The following KLK15 variants were observed in gnomAD, a reference collection of about 807,000 sequenced individuals.
The protein encoded by KLK15 is kallikrein-15.
A neutral mutation model predicts 21.1 loss-of-function variants in KLK15; 19 were observed. The ratio of observed to expected loss-of-function variants is 0.90; its 90% confidence interval spans 0.63 to 1.32. The LOEUF is 1.32. Among genes scored for constraint, KLK15 ranks in the 40% most tolerant of loss-of-function variants. The probability of loss-of-function intolerance (pLI) is 0.00; values close to 1 mark genes in which losing one functional copy is unlikely to be tolerated. For synonymous variants in KLK15, 141 were observed against 141.5 expected (o/e 1.00, Z 0.03); for missense variants, 345 against 348.6 (o/e 0.99, Z 0.08).
chr19:50,832,464 A>C (rs1346435253), upstream of KLK15, among the ~76,000 whole-genome samples: 1 of 151,556 alleles, frequency 6.6e-6, no homozygotes, highest in Non-Finnish European at 1.5e-5. Flanking sequence ...TTGGGATTAC[A>C]GGTGTGTGCC....
chr19:50,832,001 T>G (rs1193032857), upstream of KLK15, among the ~76,000 whole-genome samples: 1 of 151,956 alleles, frequency 6.6e-6, no homozygotes, highest in Non-Finnish European at 1.5e-5. Context: ...TTTTTTTTTT[T>G]AAGTAGAGAC....
chr19:50,827,740 T>TAG lies in KLK15; in HGVS notation c.117_118dup (p.Tyr40SerfsTer30). ...GCCACAGTTAAAGCGTCCACGCTCG[T>TAG]AGAGAGCCACTTGCCATGGCTGGGA... On this transcript the variant is annotated frameshift_variant, in exon 2 of 5. Transcript: ENST00000598239. LOFTEE classifies it high-confidence loss of function. The TAG allele has an allele frequency of 6.2e-7, 1 of 1,611,136 alleles. No homozygotes were observed. Among genetic ancestry groups the TAG allele is most frequent in the Non-Finnish European group, 8.5e-7 (1 of 1,177,596 alleles).
chr19:50,829,681 G>C (rs1334893142), intron 1 of KLK15, among the ~76,000 whole-genome samples: 1 of 151,644 alleles, frequency 6.6e-6, no homozygotes, highest in Admixed American at 6.6e-5. Context: ...TCAGCTGGGC[G>C]TGGTGGTGCG....
exon 3 of KLK15, chr19:50,827,051 T>G (rs750269790): frequency 1.9e-6 from 3 of 1,606,396 alleles, no homozygotes. Context: ...GTCGTTGCGG[T>G]GGCTGCGCGC....
upstream of KLK15, chr19:50,831,650 C>T (rs2089987488): frequency 6.1e-6 from 3 of 493,204 alleles, no homozygotes; most frequent in African/African-American, 2.0e-5. Context: ...CCCCTTCCCC[C>T]AACCCCACTC....
intron 4 of KLK15, 78 bp downstream of exon 5, chr19:50,826,543 G>C: frequency 1.3e-6 from 2 of 1,485,340 alleles, no homozygotes; most frequent in Non-Finnish European, 1.8e-6. Flanking sequence ...CCAAAGCAAA[G>C]AAAATCCAAC....
intron 1 of KLK15, among the ~76,000 whole-genome samples, chr19:50,829,356 C>T (rs893892896): frequency 6.6e-6 from 1 of 151,578 alleles, no homozygotes; most frequent in Non-Finnish European, 1.5e-5. Context: ...GATACCTAGC[C>T]CTGGTAGCTA....
At chr19:50,827,966 T>C in intron 1 of KLK15, 151 bp from the exon 3 acceptor site, 1 of 746,514 alleles carries the variant, frequency 1.3e-6, no homozygotes, top group Non-Finnish European at 2.2e-6. Flanking sequence ...GTTGTTGTTG[T>C]TTTTGAGACG....
intron 1 of KLK15, among the ~76,000 whole-genome samples, chr19:50,828,710 G>A (rs2089926737): frequency 6.6e-6 from 1 of 151,580 alleles, no homozygotes; most frequent in Non-Finnish European, 1.5e-5. Context: ...GCTCATGCCT[G>A]TAATCCCAGC....
exon 3 of KLK15, chr19:50,827,054 C>T (rs1195047178): frequency 1.2e-6 from 2 of 1,606,282 alleles, no homozygotes; most frequent in Non-Finnish European, 1.7e-6. Context: ...GTTGCGGTGG[C>T]TGCGCGCTTC....
At chr19:50,831,613 T>C, upstream of KLK15, 2 of 746,778 alleles carry the variant, frequency 2.7e-6, no homozygotes, top group South Asian at 3.1e-5. Flanking sequence ...CATCCACTGT[T>C]AATAAATTTC....
chr19:50,829,963 G>A (rs2089953681), intron 1 of KLK15, among the ~76,000 whole-genome samples: 1 of 151,684 alleles, frequency 6.6e-6, no homozygotes, highest in Non-Finnish European at 1.5e-5. Context: ...CCAGACACGG[G>A]GCTGGGCATT....
At chr19:50,827,036 A>G (rs375468529) in exon 3 of KLK15, 3 of 1,606,352 alleles carry the variant, frequency 1.9e-6, no homozygotes, top group Non-Finnish European at 2.5e-6. Context: ...GCGCAGCAAC[A>G]TGATGTCGTT....
At position 50,826,469 on chromosome 19, in the gene KLK15, T is replaced by A. The variant is rs888178898; in HGVS notation, c.618+152A>T. On this transcript the variant is annotated intron_variant, in intron 4 of 4. Coordinates refer to ENST00000598239, the Ensembl canonical transcript of KLK15. ...CCCACCTATAACCCCAACTCCAACCTCACCCCTATTCTAACTTCTCTTCCT... is the reference window on the plus strand; with the variant it reads ...CCCACCTATAACCCCAACTCCAACCACACCCCTATTCTAACTTCTCTTCCT... 4.5e-6 allele frequency: 4 copies of A among 882,996 alleles called. No homozygotes were observed. The African/African-American group carries it at 6.8e-5, about 15-fold the overall frequency. The allele number at this position is 882,996 out of a possible 1,614,324, so 54.7% of individuals were successfully genotyped here.
upstream of KLK15, among the ~76,000 whole-genome samples, chr19:50,832,020 A>G (rs945136368): frequency 1.3e-5 from 2 of 151,448 alleles, no homozygotes; most frequent in African/African-American, 4.9e-5. Context: ...ACAGGGTTTC[A>G]CCGTGTTAGC....
At chr19:50,832,718 C>T (rs1167788446), upstream of KLK15, among the ~76,000 whole-genome samples, 1 of 152,144 alleles carries the variant, frequency 6.6e-6, no homozygotes, top group Non-Finnish European at 1.5e-5. Context: ...CTGCCATTTT[C>T]CCTCCTGCCA....
intron 1 of KLK15, among the ~76,000 whole-genome samples, chr19:50,828,496 C>A (rs2089924136): frequency 6.6e-6 from 1 of 151,820 alleles, no homozygotes; most frequent in East Asian, 1.9e-4. Context: ...TGTGACCCAG[C>A]CTTGGCCCCA....
upstream of KLK15, chr19:50,832,995 C>T (rs1298364996): frequency 6.6e-6 from 1 of 152,344 alleles, no homozygotes; most frequent in Non-Finnish European, 1.5e-5. Context: ...TGTCCTCTGA[C>T]ACTCTGCCCC....
At chr19:50,831,367 G>T in intron 1 of KLK15, 83 bp downstream of exon 2, 1 of 1,012,206 alleles carries the variant, frequency 9.9e-7, no homozygotes. Flanking sequence ...TGAGGTAGGG[G>T]CTGGCAGATC....
Sources: gnomAD v4.1 joint callset for allele counts (sites outside exome capture counted in the v4.1 genomes callset) on GRCh38, gnomAD v4.1.1 for gene constraint, MANE v1.5 for transcripts, NCBI Gene and HGNC (gene_info 2026-07-23, HGNC 2026-07-21) for gene names.